The following P3H2 variants were observed in gnomAD, a reference collection of about 807,000 sequenced individuals.
The protein encoded by P3H2 is leprecan-like 1.
A neutral mutation model predicts 87.0 loss-of-function variants in P3H2; 80 were observed. That is an observed-to-expected ratio of 0.92 (90% confidence interval 0.77 to 1.11). P3H2 has a LOEUF of 1.11. Ranked by LOEUF, P3H2 falls within the 50% of genes least tolerant of loss-of-function variation. The probability of loss-of-function intolerance (pLI) is 0.00; values close to 1 mark genes in which losing one functional copy is unlikely to be tolerated. For missense variants in P3H2, 1,001 were observed against 923.9 expected (o/e 1.08, Z -1.08); for synonymous variants, 367 against 359.3 (o/e 1.02, Z -0.24).
intron 1 of P3H2, among the ~76,000 whole-genome samples, chr3:190,042,077 T>C (rs1484894408): frequency 6.6e-6 from 1 of 152,190 alleles, no homozygotes; most frequent in Non-Finnish European, 1.5e-5. Flanking sequence ...TAAAACTGGC[T>C]TCTATCGTCT....
At chr3:190,029,488 T>C (rs1220339553) in intron 1 of P3H2, among the ~76,000 whole-genome samples, 1 of 152,128 alleles carries the variant, frequency 6.6e-6, no homozygotes, top group African/African-American at 2.4e-5. Context: ...AAAAGGAAAT[T>C]GGTGACTTTC....
intron 1 of P3H2, among the ~76,000 whole-genome samples, chr3:190,069,053 C>T (rs73053187): frequency 0.17 from 26,535 of 152,040 alleles, 3,574 homozygotes; most frequent in African/African-American, 0.38. Flanking sequence ...GGCACCTTAG[C>T]TCATTCTAAC....
At chr3:189,989,099 T>A in intron 3 of P3H2, 61 bp from the exon 4 acceptor site, 1 of 1,601,724 alleles carries the variant, frequency 6.2e-7, no homozygotes, top group Non-Finnish European at 8.5e-7. Context: ...AACGTCAACG[T>A]CACAGCCACA....
chr3:190,005,519 CCCTT>C (rs1390127805), intron 1 of P3H2, among the ~76,000 whole-genome samples: 3 of 152,232 alleles, frequency 2.0e-5, no homozygotes, highest in African/African-American at 7.2e-5. Context: ...TGCTTGGTCT[CCCTT>C]CCATTTTGTG....
At chr3:190,058,418 C>T (rs913774824) in intron 1 of P3H2, among the ~76,000 whole-genome samples, 7 of 152,080 alleles carry the variant, frequency 4.6e-5, no homozygotes, top group African/African-American at 1.2e-4. Context: ...GCGAAAACTA[C>T]GGAAGCCATA....
intron 10 of P3H2, 50 bp downstream of exon 10, chr3:189,973,859 C>T (rs185072909): frequency 7.3e-7 from 1 of 1,377,044 alleles, no homozygotes; most frequent in East Asian, 2.3e-5. Context: ...TTTACAGAAG[C>T]CTTAGGCTGA....
chr3:190,058,975 T>C (rs1008347104), intron 1 of P3H2, among the ~76,000 whole-genome samples: 2 of 152,184 alleles, frequency 1.3e-5, no homozygotes, highest in Non-Finnish European at 2.9e-5. Flanking sequence ...GCATTCTTAT[T>C]AGCTACCAAC....
At chr3:190,053,919 T>C (rs1726067733) in intron 1 of P3H2, among the ~76,000 whole-genome samples, 1 of 152,222 alleles carries the variant, frequency 6.6e-6, no homozygotes, top group African/African-American at 2.4e-5. Flanking sequence ...TTCAAAACTG[T>C]AGCTTCTACA....
intron 10 of P3H2, among the ~76,000 whole-genome samples, chr3:189,973,511 C>CTTTTTTTTTT (rs869099221): frequency 5.1e-4 from 18 of 35,468 alleles, no homozygotes; most frequent in African/African-American, 1.7e-3. Flanking sequence ...TTCTTTCTTT[C>CTTTTTTTTTT]TTTTTTTTTT....
At position 190,022,819 on chromosome 3, in the gene P3H2, A is replaced by AT. The variant is rs1553876217; in HGVS notation, c.481-27378_481-27377insA. Among the ~76,000 whole-genome samples the AT allele has an allele frequency of 5.5e-4, 83 of 151,556 alleles. No homozygotes were observed. In the South Asian group the frequency reaches 0.012, roughly 22 times the overall value. On this transcript the variant is annotated intron_variant, in intron 1 of 14. Coordinates refer to ENST00000319332, the MANE Select transcript of P3H2 (RefSeq NM_018192.4). ...TAAGTAAGTCCAATACAGGGCAAAA[A>AT]ATATATATATATATTTCTTTTTTTT...
At chr3:189,980,061 T>C (rs886266733) in intron 8 of P3H2, among the ~76,000 whole-genome samples, 2 of 152,208 alleles carry the variant, frequency 1.3e-5, no homozygotes, top group East Asian at 3.8e-4. Flanking sequence ...TCACGCATGT[T>C]TCATGGACTG....
At chr3:190,096,550 C>T (rs3106807) in intron 1 of P3H2, among the ~76,000 whole-genome samples, 133,857 of 152,230 alleles carry the variant, frequency 0.88, 59,258 homozygotes, top group African/African-American at 0.97. Context: ...GTAGTTCATA[C>T]ATAGCAGTGT....
At position 190,044,001 on chromosome 3, in the gene P3H2, C is replaced by T. The variant is rs112834911; in HGVS notation, c.481-48559G>A. Among the ~76,000 whole-genome samples the T allele has an allele frequency of 9.3e-3, 1,412 of 152,094 alleles. 22 individuals are homozygous for T. Among genetic ancestry groups the T allele is most frequent in the African/African-American group, 0.031 (1,298 of 41,482 alleles). Reference sequence around the variant, plus strand: ...AGAACTGTATTGCTTTCCTGAACTTCCAAGGTAGTCATAAACACTTTACAA... The same window carrying T: ...AGAACTGTATTGCTTTCCTGAACTTTCAAGGTAGTCATAAACACTTTACAA... On this transcript the variant is annotated intron_variant, in intron 1 of 14. Transcript: ENST00000319332.
intron 1 of P3H2, among the ~76,000 whole-genome samples, chr3:190,008,526 A>G (rs1389317550): frequency 6.6e-6 from 1 of 152,154 alleles, no homozygotes; most frequent in Non-Finnish European, 1.5e-5. Flanking sequence ...TTCGGTGGTT[A>G]AAAAAACTGA....
intron 1 of P3H2, among the ~76,000 whole-genome samples, chr3:190,082,768 A>G (rs146587861): frequency 6.6e-6 from 1 of 152,232 alleles, no homozygotes; most frequent in Non-Finnish European, 1.5e-5. Flanking sequence ...TTGAGAGCCA[A>G]TGCTGTAGAC....
intron 1 of P3H2, among the ~76,000 whole-genome samples, chr3:190,068,766 A>G (rs1172934199): frequency 6.6e-6 from 1 of 152,130 alleles, no homozygotes; most frequent in Non-Finnish European, 1.5e-5. Context: ...CGGTAAAATG[A>G]CAGCTATTTG....
At position 190,120,676 on chromosome 3, in the gene P3H2, G is replaced by GGCAGTAGCAGCGGCAGCA. The variant is rs1194439998; in HGVS notation, c.38_55dup (p.Leu13_Leu18dup). ...CGGGGGGCCGCCCCACAGTGGCGGC[G>GGCAGTAGCAGCGGCAGCA]GCAGTAGCAGCGGCAGCAGCAGCAG... On this transcript the variant is annotated inframe_insertion, in exon 1 of 15. Transcript: ENST00000319332. The GGCAGTAGCAGCGGCAGCA allele has an allele frequency of 1.3e-6, 2 of 1,522,424 alleles. No homozygotes were observed. Among genetic ancestry groups the GGCAGTAGCAGCGGCAGCA allele is most frequent in the Non-Finnish European group, 1.8e-6 (2 of 1,141,886 alleles). 94.3% of individuals were successfully genotyped at this position (1,522,424 alleles called of 1,614,324 possible).
At chr3:190,024,546 A>G (rs1158150561) in intron 1 of P3H2, among the ~76,000 whole-genome samples, 1 of 151,038 alleles carries the variant, frequency 6.6e-6, no homozygotes, top group South Asian at 2.1e-4. Flanking sequence ...AAAAAAAAAA[A>G]AAAAAAAGAA....
At chr3:190,087,499 A>T (rs888775688) in intron 1 of P3H2, among the ~76,000 whole-genome samples, 1 of 146,680 alleles carries the variant, frequency 6.8e-6, no homozygotes, top group Non-Finnish European at 1.5e-5. Flanking sequence ...AGCCGAGATC[A>T]CACCACTGCA....
Sources: allele counts gnomAD v4.1 joint callset (sites outside exome capture counted in the v4.1 genomes callset), GRCh38; gene constraint gnomAD v4.1.1; transcripts MANE v1.5; gene names NCBI Gene and HGNC (gene_info 2026-07-23, HGNC 2026-07-21).